GLYATL2: variants seen among roughly 807,000 people sequenced by gnomAD.
GLYATL2 encodes glycine-N-acyltransferase like 2, also known as glycine N-acyltransferase-like protein 2.
In GLYATL2, 25 loss-of-function variants were observed where a neutral mutation model predicts 21.4. The observed-to-expected ratio is 1.17, with a 90% CI of 0.85 to 1.63. The LOEUF (loss-of-function observed/expected upper bound fraction) is 1.63, where lower values mean the gene tolerates loss of function less well. Among genes scored for constraint, GLYATL2 ranks in the 40% most tolerant of loss-of-function variants. The pLI, the probability that GLYATL2 is intolerant of heterozygous loss-of-function variation, is 0.00. For missense variants in GLYATL2, 361 were observed against 343.3 expected (o/e 1.05, Z -0.41); for synonymous variants, 114 against 118.2 (o/e 0.96, Z 0.23).
At chr11:58,836,000 TTTTTCAA>T (rs1458405357) in intron 5 of GLYATL2, among the ~76,000 whole-genome samples, 39 of 152,166 alleles carry the variant, frequency 2.6e-4, no homozygotes, top group African/African-American at 7.7e-4. Context: ...TTCTATTTAT[TTTTTCAA>T]TTAGTAATAC....
chr11:58,867,972 G>C (rs1329406171), intron 1 of GLYATL2, among the ~76,000 whole-genome samples: 1 of 148,730 alleles, frequency 6.7e-6, no homozygotes, highest in Non-Finnish European at 1.5e-5. Flanking sequence ...GAGTTTTAGA[G>C]ACACTCCAGA....
Position 58,834,825 on chromosome 11 carries a change from A to C in GLYATL2, c.489T>G (p.Phe163Leu), listed in dbSNP as rs765232447. The C allele has an allele frequency of 6.3e-7, 1 of 1,589,092 alleles. No individual in the cohort carries two copies. The change falls in exon 6 of 6, where the codon TTT (phenylalanine) becomes TTG (leucine). Residue 163 changes from phenylalanine to leucine, a missense_variant. Coordinates refer to ENST00000287275, the MANE Select transcript of GLYATL2 (RefSeq NM_145016.4). ...GTGAAGCATCTAAGAACATGTTTGAAAAGTTTCCTTCCCTGTGAAGAAAAA... is the reference window on the plus strand; with the variant it reads ...GTGAAGCATCTAAGAACATGTTTGACAAGTTTCCTTCCCTGTGAAGAAAAA... ...EVDDDNKEGN[F>L]SNMFLDASHA...
chr11:58,875,449 A>G (rs1354255184), intron 1 of GLYATL2, among the ~76,000 whole-genome samples: 1 of 152,150 alleles, frequency 6.6e-6, no homozygotes, highest in Non-Finnish European at 1.5e-5. Context: ...TTCCATGTTT[A>G]GTGCTTCCTT....
Position 58,867,256 on chromosome 11 carries a change from T to C in GLYATL2, n.61-28888A>G, listed in dbSNP as rs1480057174. 4.0e-5 allele frequency among the ~76,000 whole-genome samples: 6 copies of C among 149,196 alleles called. 2 individuals are homozygous for C. The Admixed American group carries it at 4.1e-4, about 10-fold the overall frequency. On this transcript the variant is annotated intron_variant and non_coding_transcript_variant, in intron 1 of 4. Transcript: ENST00000533636. The stretch of plus-strand genomic sequence containing the variant: ...TGTGTATATTTTATAAATGTATGCT[T>C]ACAACAACAAAAATACCATGCAATA...
intron 1 of GLYATL2, among the ~76,000 whole-genome samples, chr11:58,896,000 C>A (rs374181812): frequency 2.0e-5 from 3 of 152,156 alleles, no homozygotes; most frequent in South Asian, 4.2e-4. Context: ...TTACAGGCGC[C>A]CACCACCACG....
At chr11:58,860,053 T>C (rs1565096094) in intron 1 of GLYATL2, among the ~76,000 whole-genome samples, 2 of 152,212 alleles carry the variant, frequency 1.3e-5, no homozygotes, top group African/African-American at 4.8e-5. Flanking sequence ...GGTAGTGTGA[T>C]ATCTGCAGCT....
chr11:58,838,796 C>T (rs1270602566), intron 2 of GLYATL2, among the ~76,000 whole-genome samples: 2 of 152,068 alleles, frequency 1.3e-5, no homozygotes, highest in Admixed American at 1.3e-4. Context: ...ATAGTTCAAC[C>T]ATCGTAGGAC....
chr11:58,847,532 C>A (rs1360072659), upstream of GLYATL2, among the ~76,000 whole-genome samples: 3 of 152,128 alleles, frequency 2.0e-5, no homozygotes, highest in Non-Finnish European at 4.4e-5. Flanking sequence ...GCCCTTAGGC[C>A]TTAAGAGAAC....
intron 2 of GLYATL2, among the ~76,000 whole-genome samples, chr11:58,838,808 C>T (rs1853490311): frequency 6.6e-6 from 1 of 151,966 alleles, no homozygotes; most frequent in East Asian, 1.9e-4. Context: ...TCGTAGGACA[C>T]GTGGTCTGAG....
At chr11:58,907,141 T>C (rs1386182653), upstream of GLYATL2, 4 of 369,846 alleles carry the variant, frequency 1.1e-5, no homozygotes, top group Admixed American at 1.3e-4. Context: ...CCTTGGAAAG[T>C]TTTCTCAGCC....
chr11:58,871,435 TC>T (rs1240997635), intron 1 of GLYATL2, among the ~76,000 whole-genome samples: 1 of 59,808 alleles, frequency 1.7e-5, no homozygotes, highest in South Asian at 7.2e-4. Flanking sequence ...CCCTCCCCCC[TC>T]CCCCACCCCA....
In GLYATL2 at chr11:58,881,063, T is replaced by A. The variant is rs150560083; in HGVS notation, n.60+23093A>T. Among the ~76,000 whole-genome samples the A allele has an allele frequency of 1.2e-4, 18 of 152,368 alleles. No individual in the cohort carries two copies. The East Asian group carries it at 1.9e-3, about 16-fold the overall frequency. On this transcript the variant is annotated intron_variant and non_coding_transcript_variant, in intron 1 of 4. Transcript: ENST00000533636. ...CTTCACATTTTTAATTATTTTTACA[T>A]CATTGGATTTAATTGTTAAATCTAT... is the stretch of plus-strand genomic sequence containing the variant.
At chr11:58,865,595 C>T (rs1222517818) in intron 1 of GLYATL2, among the ~76,000 whole-genome samples, 2 of 149,054 alleles carry the variant, frequency 1.3e-5, no homozygotes, top group Non-Finnish European at 3.0e-5. Flanking sequence ...TTTGCATATG[C>T]AATCATGTGT....
At position 58,834,600 on chromosome 11, in the gene GLYATL2, C is replaced by T. The variant is rs1853392099; in HGVS notation, c.714G>A (p.Met238Ile). 1 of 1,613,794 alleles carries T rather than the reference C, an allele frequency of 6.2e-7. No individual in the cohort carries two copies. Among genetic ancestry groups the T allele is most frequent in the Non-Finnish European group, 8.5e-7 (1 of 1,179,894 alleles). The change falls in exon 6 of 6, where the codon ATG (methionine) becomes ATA (isoleucine). Residue 238 changes from methionine to isoleucine, a missense_variant. Coordinates refer to ENST00000287275, the MANE Select transcript of GLYATL2 (RefSeq NM_145016.4). Reference protein sequence around the residue: ...TVPKYRHQGNMLQIGYHLEKY... With the variant: ...TVPKYRHQGNILQIGYHLEKY... ...TTTCAAGATGATAACCAATTTGCAA[C>T]ATGTTGCCTTGGTGTCTGTATTTGG...
rs146086295 is a variant in GLYATL2, at chr11:58,840,914, A to T, written c.-40-1262T>A. 757 of 151,488 alleles carry T rather than the reference A, an allele frequency of 5.0e-3. 13 individuals carry two copies. Among genetic ancestry groups the T allele is most frequent in the African/African-American group, 0.017 (718 of 41,460 alleles). The allele number at this position is 151,488 out of a possible 1,614,324, so 9.4% of individuals were successfully genotyped here. A position where few individuals can be genotyped will look rare whatever the true frequency, so the allele number is the denominator to read the frequency against. ...AAAAAATAATAATATAAAGATGCAT[A>T]GGTGAATGGTTATCTGTGTATATGT... On this transcript the variant is annotated intron_variant, in intron 1 of 5. Coordinates refer to ENST00000287275, the MANE Select transcript of GLYATL2 (RefSeq NM_145016.4).
intron 1 of GLYATL2, among the ~76,000 whole-genome samples, chr11:58,902,460 G>A (rs906255811): frequency 6.6e-5 from 10 of 152,194 alleles, no homozygotes; most frequent in Admixed American, 2.0e-4. Flanking sequence ...TCCCAAGGTA[G>A]AGGCAGTGGT....
intron 1 of GLYATL2, among the ~76,000 whole-genome samples, chr11:58,875,779 C>G (rs1464499023): frequency 1.3e-5 from 2 of 152,108 alleles, no homozygotes; most frequent in East Asian, 3.9e-4. Flanking sequence ...TGGAGTTGCT[C>G]TTCTCGAGGA....
intron 1 of GLYATL2, among the ~76,000 whole-genome samples, chr11:58,886,202 G>A (rs534537578): frequency 6.6e-6 from 1 of 152,288 alleles, no homozygotes; most frequent in African/African-American, 2.4e-5. Flanking sequence ...AGGCAACAGA[G>A]TGGGATCCTG....
chr11:58,909,078 T>C (rs1230220664), upstream of GLYATL2, among the ~76,000 whole-genome samples: 1 of 152,170 alleles, frequency 6.6e-6, no homozygotes, highest in South Asian at 2.1e-4. Flanking sequence ...AAAATGATAA[T>C]ACTAAATTGA....
Sources: allele counts gnomAD v4.1 joint callset (sites outside exome capture counted in the v4.1 genomes callset), GRCh38; gene constraint gnomAD v4.1.1; transcripts MANE v1.5; gene names NCBI Gene and HGNC (gene_info 2026-07-23, HGNC 2026-07-21).